The following DRGX variants were observed in gnomAD, a reference collection of about 807,000 sequenced individuals.
The protein encoded by DRGX is dorsal root ganglia homeobox protein.
DRGX carries 21 observed loss-of-function variants against 28.6 expected under a neutral mutation model. The ratio of observed to expected loss-of-function variants is 0.73; its 90% confidence interval spans 0.52 to 1.06. The LOEUF (loss-of-function observed/expected upper bound fraction) is 1.06, where lower values mean the gene tolerates loss of function less well. DRGX is among the 50% of genes least tolerant of loss of function. DRGX has a pLI of 0.00. For synonymous variants in DRGX, 136 were observed against 139.1 expected (o/e 0.98, Z 0.16); for missense variants, 354 against 343.9 (o/e 1.03, Z -0.23).
intron 6 of DRGX, among the ~76,000 whole-genome samples, chr10:49,373,453 C>G (rs1173569417): frequency 2.0e-5 from 3 of 152,148 alleles, no homozygotes; most frequent in African/African-American, 7.2e-5. Flanking sequence ...TGTCCCCCCA[C>G]CCCAAAATTC....
At chr10:49,372,149 A>T (rs1323097631) in intron 6 of DRGX, among the ~76,000 whole-genome samples, 1 of 152,216 alleles carries the variant, frequency 6.6e-6, no homozygotes, top group Non-Finnish European at 1.5e-5. Context: ...AGGGCTTTGA[A>T]AACTGCACCA....
chr10:49,365,278 G>T lies in DRGX; in HGVS notation c.*838C>A, dbSNP rs1483977056. ...TTCTTCCCTCTCCAAGGGCCCTCAGGCCCTCCTGGACCAGAGAGCTGCTTT... is the reference window on the plus strand; with the variant it reads ...TTCTTCCCTCTCCAAGGGCCCTCAGTCCCTCCTGGACCAGAGAGCTGCTTT... On this transcript the variant is annotated 3_prime_UTR_variant, in exon 7 of 7. Transcript: ENST00000374139. 6.6e-6 allele frequency: 1 copy of T among 152,238 alleles called. No individual in the cohort carries two copies. Among genetic ancestry groups the T allele is most frequent in the African/African-American group, 2.4e-5 (1 of 41,434 alleles). The allele number at this position is 152,238 out of a possible 1,614,324, so 9.4% of individuals were successfully genotyped here. A position where few individuals can be genotyped will look rare whatever the true frequency, so the allele number is the denominator to read the frequency against.
chr10:49,393,341 A>C (rs1849930563), intron 2 of DRGX, among the ~76,000 whole-genome samples: 1 of 152,290 alleles, frequency 6.6e-6, no homozygotes, highest in Admixed American at 6.5e-5. Flanking sequence ...TTAAAAATAC[A>C]TAAATGAGAA....
At chr10:49,382,522 G>A (rs1041536724) in intron 6 of DRGX, among the ~76,000 whole-genome samples, 1 of 152,186 alleles carries the variant, frequency 6.6e-6, no homozygotes, top group African/African-American at 2.4e-5. Flanking sequence ...TCCTCAAACT[G>A]AGCTAGGACC....
chr10:49,391,416 C>G (rs1027732619), intron 2 of DRGX, 155 bp from the exon 3 acceptor site: 1 of 643,674 alleles, frequency 1.6e-6, no homozygotes, highest in Non-Finnish European at 2.8e-6. Context: ...AAATCCTCCT[C>G]TTTTCCACTC....
intron 6 of DRGX, among the ~76,000 whole-genome samples, chr10:49,368,468 C>A (rs1467120105): frequency 2.0e-5 from 3 of 152,280 alleles, no homozygotes; most frequent in African/African-American, 4.8e-5. Context: ...AACCCCGAGG[C>A]CTGGCTGCTC....
rs1849885473 is a variant in DRGX at position 49,390,165 on chromosome 10, T to C, written c.202A>G (p.Met68Val). ...CTGGCTTCTGTGAGGTTTATTTTCA[T>C]GGCGAGCTCTTCTCTGGTGAAGACA... ...PDVFTREELA[M>V]KINLTEARVQ... The change falls in exon 4 of 7, where the codon ATG (methionine) becomes GTG (valine). Residue 68 changes from methionine to valine, a missense_variant. By Grantham distance (21) the Met-to-Val change is conservative. Transcript: ENST00000374139. 2 of 1,613,046 alleles carry C rather than the reference T, an allele frequency of 1.2e-6. No homozygotes were observed. Among genetic ancestry groups the C allele is most frequent in the Non-Finnish European group, 1.7e-6 (2 of 1,179,580 alleles).
intron 6 of DRGX, among the ~76,000 whole-genome samples, chr10:49,376,753 C>T (rs1331611816): frequency 6.6e-6 from 1 of 152,172 alleles, no homozygotes; most frequent in Non-Finnish European, 1.5e-5. Context: ...GGCTCCTTCC[C>T]GGTGTTCATG....
chr10:49,387,801 T>A (rs909936347), intron 4 of DRGX, among the ~76,000 whole-genome samples: 1 of 152,228 alleles, frequency 6.6e-6, no homozygotes, highest in African/African-American at 2.4e-5. Context: ...GTAGTCCTGT[T>A]ATCCCCATTT....
chr10:49,384,700 G>C (rs1267589099), intron 6 of DRGX, among the ~76,000 whole-genome samples: 1 of 152,154 alleles, frequency 6.6e-6, no homozygotes, highest in Non-Finnish European at 1.5e-5. Flanking sequence ...TCCTGGGTTG[G>C]TGCTGAGCTG....
intron 6 of DRGX, among the ~76,000 whole-genome samples, chr10:49,381,305 A>C (rs1399470924): frequency 2.6e-5 from 4 of 152,148 alleles, no homozygotes; most frequent in Non-Finnish European, 5.9e-5. Flanking sequence ...CCACACCTGC[A>C]CCTGTGGACA....
rs199693991 is a variant in DRGX, at chr10:49,374,084, G to A, written c.527-7703C>T. The stretch of plus-strand genomic sequence containing the variant: ...GAGGCTATGAATTTTTTTTATTTGT[G>A]TTTTATTGTATGTTTTGCTCTTTCT... On this transcript the variant is annotated intron_variant, in intron 6 of 6. Transcript: ENST00000374139. Among the ~76,000 whole-genome samples, 26 of 152,118 alleles carry A rather than the reference G, an allele frequency of 1.7e-4. No homozygotes were observed. The East Asian group carries it at 5.0e-3, about 29-fold the overall frequency.
intron 6 of DRGX, among the ~76,000 whole-genome samples, chr10:49,376,102 G>T (rs757671115): frequency 9.9e-5 from 15 of 152,184 alleles, no homozygotes; most frequent in Non-Finnish European, 1.9e-4. Flanking sequence ...TGCACACCCA[G>T]GTCCCTGAAT....
intron 6 of DRGX, among the ~76,000 whole-genome samples, chr10:49,371,363 C>T (rs924114176): frequency 4.6e-5 from 7 of 152,248 alleles, no homozygotes; most frequent in African/African-American, 1.7e-4. Context: ...AACGTGTGCT[C>T]AAGTAGAGGC....
intron 6 of DRGX, among the ~76,000 whole-genome samples, chr10:49,377,846 T>C (rs541694675): frequency 6.6e-6 from 1 of 152,286 alleles, no homozygotes; most frequent in Non-Finnish European, 1.5e-5. Context: ...TATTTTATAA[T>C]ACTAACTTTT....
chr10:49,392,694 A>G (rs1023175000), intron 2 of DRGX, among the ~76,000 whole-genome samples: 6 of 152,238 alleles, frequency 3.9e-5, no homozygotes, highest in African/African-American at 9.6e-5. Flanking sequence ...AAAACACTGC[A>G]TGTCGAACTG....
Position 49,386,486 on chromosome 10 carries a change from G to A in DRGX, c.518C>T (p.Ser173Phe). Residue 173 changes from serine to phenylalanine, a missense_variant, in exon 6 of 7, where the codon TCC (serine) becomes TTC (phenylalanine). By Grantham distance (155) the Ser-to-Phe change is radical (BLOSUM62 -2). Transcript: ENST00000374139. ...TYAQALSHVA[S>F]LKGGPLCSCC... is the part of the protein sequence containing the mutation. Reference sequence around the variant, plus strand: ...GCCGAACCCAAACTCACCTTTGAGGGAAGCCACATGGGACAAGGCCTGGGC... The same window carrying A: ...GCCGAACCCAAACTCACCTTTGAGGAAAGCCACATGGGACAAGGCCTGGGC... The A allele has an allele frequency of 6.4e-7, 1 of 1,569,784 alleles. No individual in the cohort carries two copies. Among genetic ancestry groups the A allele is most frequent in the Non-Finnish European group, 8.6e-7 (1 of 1,158,776 alleles).
chr10:49,371,162 G>A (rs1849655121), intron 6 of DRGX, among the ~76,000 whole-genome samples: 2 of 152,150 alleles, frequency 1.3e-5, no homozygotes, highest in Admixed American at 1.3e-4. Context: ...TTAAAAAACT[G>A]ACTCTTGATT....
chr10:49,372,751 C>T (rs1404267358), intron 6 of DRGX, among the ~76,000 whole-genome samples: 1 of 152,220 alleles, frequency 6.6e-6, no homozygotes, highest in Non-Finnish European at 1.5e-5. Context: ...CATGCAGTGA[C>T]TGCTCTCACC....
Sources: allele counts gnomAD v4.1 joint callset (sites outside exome capture counted in the v4.1 genomes callset), GRCh38; gene constraint gnomAD v4.1.1; transcripts MANE v1.5; gene names NCBI Gene and HGNC (gene_info 2026-07-23, HGNC 2026-07-21).